CDH20: variants seen among roughly 807,000 people sequenced by gnomAD.
The protein encoded by CDH20 is cadherin 20.
A neutral mutation model predicts 74.2 loss-of-function variants in CDH20; 29 were observed. That is an observed-to-expected ratio of 0.39 (90% CI 0.29 to 0.53). The LOEUF (loss-of-function observed/expected upper bound fraction) is 0.53. CDH20 is among the 20% of genes least tolerant of loss of function. The probability of loss-of-function intolerance (pLI) is 0.69; values close to 1 mark genes in which losing one functional copy is unlikely to be tolerated. For synonymous variants in CDH20, 469 were observed against 405.4 expected (o/e 1.16, Z -1.88); for missense variants, 988 against 1,048.3 (o/e 0.94, Z 0.79).
intron 1 of CDH20, among the ~76,000 whole-genome samples, chr18:61,371,918 G>T (rs141130892): frequency 2.6e-5 from 4 of 152,018 alleles, no homozygotes; most frequent in Non-Finnish European, 5.9e-5. Flanking sequence ...TACTAACTTC[G>T]AAAACAATAT....
At chr18:61,542,498 C>T (rs1913075390) in intron 9 of CDH20, among the ~76,000 whole-genome samples, 1 of 152,204 alleles carries the variant, frequency 6.6e-6, no homozygotes, top group African/African-American at 2.4e-5. Flanking sequence ...ACTGCCTTAG[C>T]TGACTTCTCA....
intron 1 of CDH20, among the ~76,000 whole-genome samples, chr18:61,406,946 A>C (rs1357084996): frequency 6.6e-6 from 1 of 152,222 alleles, no homozygotes; most frequent in Non-Finnish European, 1.5e-5. Context: ...GAATATGATA[A>C]CTATCACAGG....
intron 5 of CDH20, 142 bp downstream of exon 5, chr18:61,503,262 C>G: frequency 1.7e-6 from 1 of 572,696 alleles, no homozygotes; most frequent in Non-Finnish European, 2.9e-6. Context: ...TCATGCAATT[C>G]TCGCATAACT....
intron 1 of CDH20, among the ~76,000 whole-genome samples, chr18:61,411,153 A>G (rs1458394981): frequency 4.6e-5 from 7 of 151,556 alleles, no homozygotes; most frequent in Non-Finnish European, 1.0e-4. Flanking sequence ...GAGCCGAGAT[A>G]CGCCACTGCA....
At chr18:61,481,877 C>T (rs558687732) in intron 1 of CDH20, among the ~76,000 whole-genome samples, 3 of 152,180 alleles carry the variant, frequency 2.0e-5, no homozygotes, top group East Asian at 1.9e-4. Context: ...TGCTCAAAAA[C>T]CTTCAGTTGC....
At position 61,508,076 on chromosome 18, in the gene CDH20, T is replaced by C. The variant is rs572967468; in HGVS notation, c.1017+516T>C. Among the ~76,000 whole-genome samples, 6 of 152,348 alleles carry C rather than the reference T, an allele frequency of 3.9e-5. No individual in the cohort carries two copies. In the South Asian group the frequency reaches 1.2e-3, roughly 32 times the overall value. On this transcript the variant is annotated intron_variant, in intron 6 of 11. Coordinates refer to ENST00000262717, the MANE Select transcript of CDH20 (RefSeq NM_031891.4). Reference sequence around the variant, plus strand: ...GCTGAATGGCTGTTATCACTTGAAATTCCTTTGTTTTATAAGGTACCAAGA... The same window carrying C: ...GCTGAATGGCTGTTATCACTTGAAACTCCTTTGTTTTATAAGGTACCAAGA...
chr18:61,527,545 C>A (rs904260092), intron 6 of CDH20, among the ~76,000 whole-genome samples: 1 of 152,030 alleles, frequency 6.6e-6, no homozygotes, highest in Non-Finnish European at 1.5e-5. Context: ...TTGCCTGGGA[C>A]AGAATAGAGT....
intron 1 of CDH20, among the ~76,000 whole-genome samples, chr18:61,431,732 A>G (rs1913262479): frequency 6.6e-6 from 1 of 152,146 alleles, no homozygotes; most frequent in South Asian, 2.1e-4. Flanking sequence ...CTTTAATTTG[A>G]ATTTCTTTGA....
At chr18:61,500,001 G>A (rs888109782) in intron 3 of CDH20, among the ~76,000 whole-genome samples, 2 of 151,536 alleles carry the variant, frequency 1.3e-5, no homozygotes, top group African/African-American at 4.8e-5. Context: ...CTACTCAGGA[G>A]GCTGAGGCAG....
chr18:61,507,703 C>G, intron 6 of CDH20, 143 bp downstream of exon 6: 1 of 537,554 alleles, frequency 1.9e-6, no homozygotes, highest in Non-Finnish European at 3.1e-6. Flanking sequence ...AAAAAAAACA[C>G]ACAGAAAACC....
At chr18:61,547,193 T>C (rs116988192) in intron 10 of CDH20, among the ~76,000 whole-genome samples, 1,810 of 151,928 alleles carry the variant, frequency 0.012, 22 homozygotes, top group Middle Eastern at 0.041. Flanking sequence ...CCAGACATGG[T>C]GGCATGCACC....
At chr18:61,383,396 C>T (rs1911497382) in intron 1 of CDH20, among the ~76,000 whole-genome samples, 1 of 151,968 alleles carries the variant, frequency 6.6e-6, no homozygotes, top group Admixed American at 6.6e-5. Flanking sequence ...GCCTGGCCAA[C>T]ATGGTAAAAA....
Position 61,554,226 on chromosome 18 carries a change from G to C in CDH20, c.1937G>C (p.Arg646Pro), listed in dbSNP as rs762845720. ...VLLILSMRRH[R>P]KQPYIIDDEE... is the part of the protein sequence containing the mutation. ...CTCATTTTGTCCATGAGGCGGCACCGGAAACAACCATACATCATCGACGAC... is the reference window on the plus strand; with the variant it reads ...CTCATTTTGTCCATGAGGCGGCACCCGAAACAACCATACATCATCGACGAC... Residue 646 changes from arginine (R) to proline (P), a missense_variant, in exon 12 of 12, where the codon CGG becomes CCG. Transcript: ENST00000262717. The C allele has an allele frequency of 6.2e-7, 1 of 1,613,312 alleles. No homozygotes were observed.
chr18:61,528,205 C>A lies in CDH20; in HGVS notation c.1256C>A (p.Thr419Asn). ...QIISAKDPDV[T>N]NNSIRYSIDR... ...ATTTCTGCCAAGGACCCAGATGTGA[C>A]CAACAACTCAATCAGGTTTTTCCAC... The change falls in exon 7 of 12, where the codon ACC becomes AAC. Residue 419 changes from threonine (T) to asparagine (N), a missense_variant. By Grantham distance (65) the Thr-to-Asn change is moderately conservative. Around this residue, in one of 2 missense-constraint regions of CDH20, gnomAD observed 613 missense variants for 755.2 expected, o/e 0.81. Transcript: ENST00000262717. 6.2e-7 allele frequency: 1 copy of A among 1,614,006 alleles called. No homozygotes were observed. Among genetic ancestry groups the A allele is most frequent in the Non-Finnish European group, 8.5e-7 (1 of 1,179,932 alleles).
At chr18:61,474,846 A>G (rs1016590238) in intron 1 of CDH20, among the ~76,000 whole-genome samples, 12 of 152,096 alleles carry the variant, frequency 7.9e-5, no homozygotes, top group Non-Finnish European at 1.3e-4. Context: ...CCTGGAAGAG[A>G]GATTGCTTAG....
At chr18:61,392,754 T>A (rs1911836439) in intron 1 of CDH20, among the ~76,000 whole-genome samples, 1 of 139,958 alleles carries the variant, frequency 7.1e-6, no homozygotes, top group Admixed American at 7.3e-5. Flanking sequence ...AAGAAATAGA[T>A]GAAGAGCTAT....
At chr18:61,417,047 T>C (rs901978976) in intron 1 of CDH20, among the ~76,000 whole-genome samples, 2 of 152,088 alleles carry the variant, frequency 1.3e-5, no homozygotes, top group Non-Finnish European at 2.9e-5. Flanking sequence ...AAAGAGAAAA[T>C]AACTATTTTC....
At chr18:61,386,835 T>A (rs1911617012) in intron 1 of CDH20, among the ~76,000 whole-genome samples, 1 of 152,304 alleles carries the variant, frequency 6.6e-6, no homozygotes, top group Non-Finnish European at 1.5e-5. Context: ...TTATATACAA[T>A]ATGATCTCAT....
chr18:61,336,162 T>C (rs1411857711), intron 1 of CDH20, among the ~76,000 whole-genome samples: 1 of 152,156 alleles, frequency 6.6e-6, no homozygotes, highest in East Asian at 1.9e-4. Flanking sequence ...AGCAGAGCAA[T>C]GTTCGTCTGG....
Sources: gnomAD v4.1 joint callset for allele counts (sites outside exome capture counted in the v4.1 genomes callset) on GRCh38, gnomAD v4.1.1 for gene constraint, gnomAD v4.1.1 regional missense constraint, MANE v1.5 for transcripts, NCBI Gene and HGNC (gene_info 2026-07-23, HGNC 2026-07-21) for gene names.